The following INO80C variants were observed in gnomAD, a reference collection of about 807,000 sequenced individuals.
INO80C encodes the protein INO80 complex subunit C.
A neutral mutation model predicts 17.7 loss-of-function variants in INO80C; 17 were observed. The ratio of observed to expected loss-of-function variants is 0.96; its 90% CI spans 0.66 to 1.44. The LOEUF (loss-of-function observed/expected upper bound fraction) is 1.44, where lower values mean the gene tolerates loss of function less well. Among genes scored for constraint, INO80C ranks in the 40% most tolerant of loss-of-function variants. The probability of loss-of-function intolerance (pLI) is 0.00; values close to 1 mark genes in which losing one functional copy is unlikely to be tolerated. For synonymous variants in INO80C, 96 were observed against 95.8 expected (o/e 1.00, Z -0.01); for missense variants, 244 against 245.0 (o/e 1.00, Z 0.03).
At position 35,497,377 on chromosome 18, in the gene INO80C, T is replaced by C. The variant is rs2045993946; in HGVS notation, c.156+342A>G. 29 of 1,073,872 alleles carry C rather than the reference T, an allele frequency of 2.7e-5. 1 individual carries two copies. In the South Asian group the frequency reaches 8.4e-4, roughly 31 times the overall value. 66.5% of individuals were successfully genotyped at this position (1,073,872 alleles called of 1,614,324 possible). A position where few individuals can be genotyped will look rare whatever the true frequency, so the allele number is the denominator to read the frequency against. On this transcript the variant is annotated intron_variant, in intron 1 of 4. Transcript: ENST00000334598. Reference sequence around the variant, plus strand: ...AGACACTGGGTAGATGTCTGCAGAATGGACGAGGGGAAGACACGCAAATTT... The same window carrying C: ...AGACACTGGGTAGATGTCTGCAGAACGGACGAGGGGAAGACACGCAAATTT...
At chr18:35,482,822 T>C (rs940286448) in intron 1 of INO80C, among the ~76,000 whole-genome samples, 2 of 152,148 alleles carry the variant, frequency 1.3e-5, no homozygotes, top group African/African-American at 4.8e-5. Flanking sequence ...TCCTGAGCTA[T>C]ATAATTCAGA....
At chr18:35,478,426 A>C in intron 3 of INO80C, 77 bp from the exon 4 acceptor site, 1 of 1,143,008 alleles carries the variant, frequency 8.7e-7, no homozygotes, top group Non-Finnish European at 1.2e-6. Context: ...TTTCTAAAAT[A>C]GTATTTGATA....
intron 1 of INO80C, among the ~76,000 whole-genome samples, chr18:35,487,042 T>C (rs1481105149): frequency 6.6e-6 from 1 of 152,172 alleles, no homozygotes; most frequent in Non-Finnish European, 1.5e-5. Flanking sequence ...TCCCACAAGA[T>C]ACTTCAATAC....
In INO80C at chr18:35,468,458, A is replaced by AG. The variant is rs1427855573; in HGVS notation, c.*152_*153insC. On this transcript the variant is annotated 3_prime_UTR_variant, in exon 5 of 5. Transcript: ENST00000334598. ...AGGGAAAACACACACTAAAAAAAAA[A>AG]AAAACCCTTAAATTAAAGCCAAACA... The AG allele has an allele frequency of 6.8e-7, 1 of 1,474,288 alleles. No homozygotes were observed. The highest frequency in any genetic ancestry group is 2.3e-5 in the East Asian group (1 of 43,470). The allele number at this position is 1,474,288 out of a possible 1,614,324, so 91.3% of individuals were successfully genotyped here. A position where few individuals can be genotyped will look rare whatever the true frequency, so the allele number is the denominator to read the frequency against.
rs141904819 is a variant in INO80C at position 35,495,405 on chromosome 18, C to A, written c.156+2314G>T. Among the ~76,000 whole-genome samples the A allele has an allele frequency of 2.6e-3, 396 of 152,284 alleles. 1 individual carries two copies. Among genetic ancestry groups the A allele is most frequent in the African/African-American group, 8.8e-3 (365 of 41,550 alleles). ...CTCCAGCCTGGGTGACAGAAGAAGA[C>A]CCTGTCTTCTTTAGTAAATATCAGT... On this transcript the variant is annotated intron_variant, in intron 1 of 4. Transcript: ENST00000334598.
Position 35,497,612 on chromosome 18 carries a change from G to A in INO80C, c.156+107C>T, listed in dbSNP as rs548953643. On this transcript the variant is annotated intron_variant, in intron 1 of 4. Transcript: ENST00000334598. ...GGCAGCGTCTTTCAACCCCAACGGA[G>A]ACCGCACGCGCAGCGCCCCACATTA... 6.8e-6 allele frequency: 10 copies of A among 1,464,832 alleles called. No homozygotes were observed. The South Asian group carries it at 9.8e-5, about 14-fold the overall frequency. The allele number at this position is 1,464,832 out of a possible 1,614,324, so 90.7% of individuals were successfully genotyped here. A position where few individuals can be genotyped will look rare whatever the true frequency, so the allele number is the denominator to read the frequency against.
chr18:35,471,695 C>A (rs2045671719), intron 4 of INO80C, among the ~76,000 whole-genome samples: 1 of 151,792 alleles, frequency 6.6e-6, no homozygotes, highest in African/African-American at 2.4e-5. Context: ...TGTTGGTGTG[C>A]TGCACCCATT....
intron 3 of INO80C, 76 bp from the exon 4 acceptor site, chr18:35,478,425 T>C: frequency 8.8e-7 from 1 of 1,136,792 alleles, no homozygotes; most frequent in East Asian, 2.6e-5. Flanking sequence ...TTTTCTAAAA[T>C]AGTATTTGAT....
At chr18:35,490,759 T>TTTG (rs56389345) in intron 1 of INO80C, among the ~76,000 whole-genome samples, 117,573 of 151,206 alleles carry the variant, frequency 0.78, 46,062 homozygotes, top group East Asian at 0.98. Flanking sequence ...TTTTTATTAT[T>TTTG]TTGTTGTTGT....
chr18:35,483,020 C>A (rs952910575), intron 1 of INO80C, among the ~76,000 whole-genome samples: 1 of 152,220 alleles, frequency 6.6e-6, no homozygotes, highest in Non-Finnish European at 1.5e-5. Flanking sequence ...CCCCATCCTT[C>A]CTACATTTTG....
At chr18:35,486,310 A>T (rs1464846790) in intron 1 of INO80C, among the ~76,000 whole-genome samples, 1 of 152,224 alleles carries the variant, frequency 6.6e-6, no homozygotes, top group Non-Finnish European at 1.5e-5. Flanking sequence ...ACGTAGTCAC[A>T]TTCAGAGACA....
rs773437597 is a variant in INO80C at position 35,497,729 on chromosome 18, C to T, written c.146G>A (p.Ser49Asn). Residue 49 changes from serine (S) to asparagine (N), a missense_variant, in exon 1 of 5, where the codon AGC becomes AAC. Ser to Asn is a conservative substitution (Grantham distance 46). Transcript: ENST00000334598. The part of the protein sequence containing the change: ...ASKKKKASAS[S>N]FAQGISMEAM... Reference sequence around the variant, plus strand: ...AGCGCGACTGCGTACCTGCGCAAAGCTGGAAGCGGACGCTTTTTTCTTCTT... The same window carrying T: ...AGCGCGACTGCGTACCTGCGCAAAGTTGGAAGCGGACGCTTTTTTCTTCTT... The T allele has an allele frequency of 7.4e-6, 12 of 1,612,178 alleles. No individual in the cohort carries two copies. In the East Asian group the frequency reaches 9.0e-5, roughly 12 times the overall value.
chr18:35,496,573 T>G (rs981622149), intron 1 of INO80C, among the ~76,000 whole-genome samples: 1 of 152,200 alleles, frequency 6.6e-6, no homozygotes, highest in African/African-American at 2.4e-5. Flanking sequence ...TTGTTTTGTT[T>G]TGTTTGCGAT....
chr18:35,492,880 T>TG (rs2045945798), intron 1 of INO80C, among the ~76,000 whole-genome samples: 1 of 152,242 alleles, frequency 6.6e-6, no homozygotes, highest in Non-Finnish European at 1.5e-5. Context: ...AATACACATT[T>TG]GAAAAGCCTA....
chr18:35,489,946 A>C (rs897184639), intron 1 of INO80C, among the ~76,000 whole-genome samples: 1 of 151,996 alleles, frequency 6.6e-6, no homozygotes, highest in Non-Finnish European at 1.5e-5. Context: ...TCCTTATGTA[A>C]GAGAATGACT....
At chr18:35,479,675 TA>T (rs1164991553) in intron 2 of INO80C, among the ~76,000 whole-genome samples, 21 of 146,720 alleles carry the variant, frequency 1.4e-4, no homozygotes, top group South Asian at 2.2e-4. Flanking sequence ...TATATGCACG[TA>T]AAAAAAAAAG....
intron 4 of INO80C, among the ~76,000 whole-genome samples, chr18:35,474,207 CTATATATATATATA>C (rs58465669): frequency 0.019 from 1,095 of 58,050 alleles, 36 homozygotes; most frequent in Middle Eastern, 0.053. Flanking sequence ...GTGTGTGTGT[CTATATATATATATA>C]TATATATATA....
At chr18:35,475,117 CCT>C (rs1459648291) in intron 4 of INO80C, among the ~76,000 whole-genome samples, 6 of 135,438 alleles carry the variant, frequency 4.4e-5, no homozygotes, top group African/African-American at 8.6e-5. Context: ...AAAATAATAC[CCT>C]GAGTCATATT....
intron 4 of INO80C, among the ~76,000 whole-genome samples, chr18:35,476,291 G>A (rs1292268261): frequency 1.3e-5 from 2 of 152,102 alleles, no homozygotes; most frequent in African/African-American, 2.4e-5. Context: ...CTGAGAAACT[G>A]GCAGAGCCAA....
Sources: gnomAD v4.1 joint callset for allele counts (sites outside exome capture counted in the v4.1 genomes callset) on GRCh38, gnomAD v4.1.1 for gene constraint, MANE v1.5 for transcripts, NCBI Gene and HGNC (gene_info 2026-07-23, HGNC 2026-07-21) for gene names.